The following LIPF variants were observed in gnomAD, a reference collection of about 807,000 sequenced individuals.
LIPF encodes the protein lipase F, gastric type, also known as gastric triacylglycerol lipase.
A neutral mutation model predicts 38.0 loss-of-function variants in LIPF; 25 were observed. The observed-to-expected ratio is 0.66, with a 90% CI of 0.48 to 0.92. LIPF has a LOEUF of 0.92. Among genes scored for constraint, LIPF ranks in the 40% least tolerant of loss-of-function variants. LIPF has a pLI of 0.00. For missense variants in LIPF, 410 were observed against 469.9 expected (o/e 0.87, Z 1.18); for synonymous variants, 161 against 156.2 (o/e 1.03, Z -0.23).
At chr10:88,676,103 T>C (rs547438198) in intron 8 of LIPF, 106 bp from the exon 9 acceptor site, 1 of 635,770 alleles carries the variant, frequency 1.6e-6, no homozygotes, top group South Asian at 2.6e-5. Flanking sequence ...GAAAAATGTT[T>C]CTTAATAATT....
Position 88,678,432 on chromosome 10 carries a change from T to C in LIPF, c.961-13T>C. On this transcript the variant is annotated splice_polypyrimidine_tract_variant and intron_variant, in intron 9 of 9. Transcript: ENST00000238983. ...GTTACCTAAACTCTGGTTCTTTCTC[T>C]TGTGTTTTCTAGTCCCAACCTCCCT... The C allele has an allele frequency of 6.3e-7, 1 of 1,591,324 alleles. No individual in the cohort carries two copies. The highest frequency in any genetic ancestry group is 2.2e-5 in the East Asian group (1 of 44,756).
chr10:88,673,740 T>A lies in LIPF; in HGVS notation c.816+6T>A. On this transcript the variant is annotated splice_donor_region_variant and intron_variant, in intron 7 of 9. Transcript: ENST00000238983. ...ACAGTAAGAACTTTAACACGGTTAG[T>A]ATGCATTTCAATTTCTATATTTTGA... The A allele has an allele frequency of 6.2e-7, 1 of 1,603,042 alleles. No homozygotes were observed. The highest frequency in any genetic ancestry group is 8.5e-7 in the Non-Finnish European group (1 of 1,174,566).
chr10:88,674,260 T>C (rs1189059889), intron 7 of LIPF, among the ~76,000 whole-genome samples: 2 of 152,094 alleles, frequency 1.3e-5, no homozygotes, highest in Non-Finnish European at 2.9e-5. Context: ...GCTCCGCCTC[T>C]TGGGTTCACG....
chr10:88,676,410 C>T lies in LIPF; in HGVS notation c.960+130C>T, dbSNP rs903620832. On this transcript the variant is annotated intron_variant, in intron 9 of 9. Coordinates refer to ENST00000238983, the MANE Select transcript of LIPF (RefSeq NM_004190.4). ...ATGTTGATGTTCTGTCTCTCATTCT[C>T]CCACATGACTATGCATTCCTGCTCT... The T allele has an allele frequency of 4.4e-5, 28 of 634,944 alleles. No homozygotes were observed. In the African/African-American group the frequency reaches 4.7e-4, roughly 11 times the overall value. The allele number at this position is 634,944 out of a possible 1,614,324, so 39.3% of individuals were successfully genotyped here.
At chr10:88,668,856 A>G in intron 4 of LIPF, 100 bp downstream of exon 4, 1 of 926,032 alleles carries the variant, frequency 1.1e-6, no homozygotes, top group Non-Finnish European at 1.7e-6. Flanking sequence ...CACTCCAAGT[A>G]GGAGGATAAA....
rs777029649 is a variant in LIPF at position 88,671,932 on chromosome 10, C to G, written c.636C>G (p.Asn212Lys). 22 of 1,612,318 alleles carry G rather than the reference C, an allele frequency of 1.4e-5. No individual in the cohort carries two copies. The highest frequency in any genetic ancestry group is 1.0e-4 in the Admixed American group (6 of 59,796). The change falls in exon 6 of 10, where the codon AAC becomes AAG. Residue 212 changes from asparagine to lysine, a missense_variant. Physicochemically the swap from Asn to Lys is moderately conservative, Grantham distance 94 (BLOSUM62 0). Coordinates refer to ENST00000238983, the MANE Select transcript of LIPF (RefSeq NM_004190.4). ...TGAAGTATACAAAAAGCCTTATAAACAAACTTAGATTTGTTCCTCAATCCC... is the reference window on the plus strand; with the variant it reads ...TGAAGTATACAAAAAGCCTTATAAAGAAACTTAGATTTGTTCCTCAATCCC... ...ATVKYTKSLI[N>K]KLRFVPQSLF...
At chr10:88,678,311 G>A in intron 9 of LIPF, 134 bp from the exon 10 acceptor site, 1 of 725,016 alleles carries the variant, frequency 1.4e-6, no homozygotes, top group Non-Finnish European at 2.5e-6. Flanking sequence ...GATAAAGGTG[G>A]TTTTCTCTGT....
chr10:88,667,233 G>C (rs2134633719), intron 1 of LIPF, 54 bp from the exon 2 acceptor site: 4 of 960,524 alleles, frequency 4.2e-6, no homozygotes, highest in Non-Finnish European at 6.6e-6. Context: ...TAAAATATAA[G>C]CATTATGAAA....
At position 88,667,548 on chromosome 10, in the gene LIPF, CT is replaced by C; in HGVS notation, c.106-17del. 7.4e-7 allele frequency: 1 copy of C among 1,360,408 alleles called. No individual in the cohort carries two copies. Among genetic ancestry groups the C allele is most frequent in the Admixed American group, 1.8e-5 (1 of 54,310 alleles). 84.3% of individuals were successfully genotyped at this position (1,360,408 alleles called of 1,614,324 possible). ...ATCTAAAAATCAACTAAAATTTAAA[CT>C]TTTGGGTTTGCTTCCTCAGAGTCAG... is the stretch of plus-strand genomic sequence containing the variant. On this transcript the variant is annotated intron_variant, in intron 2 of 9. Transcript: ENST00000238983.
rs369666845 is a variant in LIPF at position 88,669,955 on chromosome 10, T to C, written c.532+9T>C. ...CCAGGGCACCACCATTGGTAAGTAA[T>C]GGCAGTCAAGGCCAAGTGGTTTACT... On this transcript the variant is annotated intron_variant, in intron 5 of 9. Coordinates refer to ENST00000238983, the MANE Select transcript of LIPF (RefSeq NM_004190.4). The C allele has an allele frequency of 6.3e-6, 10 of 1,579,514 alleles. No homozygotes were observed. Among genetic ancestry groups the C allele is most frequent in the Non-Finnish European group, 8.7e-6 (10 of 1,150,656 alleles).
intron 9 of LIPF, among the ~76,000 whole-genome samples, chr10:88,676,976 A>G (rs1363995199): frequency 6.6e-6 from 1 of 152,206 alleles, no homozygotes; most frequent in Non-Finnish European, 1.5e-5. Flanking sequence ...CTCTCGGGTT[A>G]TCACTGACTA....
At chr10:88,672,670 A>ACACTCTCTCTCTCT (rs869259093) in intron 6 of LIPF, among the ~76,000 whole-genome samples, 1 of 110,498 alleles carries the variant, frequency 9.0e-6, no homozygotes, top group African/African-American at 3.4e-5. Flanking sequence ...ACACACACAC[A>ACACTCTCTCTCTCT]CTCTCTCTCT....
intron 3 of LIPF, 48 bp downstream of exon 3, chr10:88,667,734 C>A (rs1341314608): frequency 8.7e-6 from 7 of 804,802 alleles, no homozygotes; most frequent in Non-Finnish European, 1.4e-5. Flanking sequence ...TTTTTCCTTT[C>A]CTTCTTTCTT....
Position 88,673,716 on chromosome 10 carries a change from C to A in LIPF, c.798C>A (p.Asp266Glu). 6.2e-7 allele frequency: 1 copy of A among 1,612,804 alleles called. No individual in the cohort carries two copies. The highest frequency in any genetic ancestry group is 8.5e-7 in the Non-Finnish European group (1 of 1,179,272). Residue 266 changes from aspartate to glutamate, a missense_variant, in exon 7 of 10, where the codon GAC (aspartate) becomes GAA (glutamate). Asp to Glu is a conservative substitution (Grantham distance 45, BLOSUM62 2). Transcript: ENST00000238983. ...SNALFIICGF[D>E]SKNFNTSRLD... The stretch of plus-strand genomic sequence containing the variant: ...CCTTATTTATAATTTGTGGATTTGA[C>A]AGTAAGAACTTTAACACGGTTAGTA...
At chr10:88,675,023 C>A (rs112410185) in intron 7 of LIPF, among the ~76,000 whole-genome samples, 1 of 152,086 alleles carries the variant, frequency 6.6e-6, no homozygotes, top group African/African-American at 2.4e-5. Flanking sequence ...TCATCTTCTG[C>A]GTAATAATTT....
At chr10:88,676,846 T>C (rs1483607540) in intron 9 of LIPF, among the ~76,000 whole-genome samples, 1 of 152,226 alleles carries the variant, frequency 6.6e-6, no homozygotes, top group Non-Finnish European at 1.5e-5. Context: ...CTTTGGAGCT[T>C]ATCTTATCTG....
intron 1 of LIPF, chr10:88,665,580 T>C (rs1453174758): frequency 6.6e-7 from 1 of 1,526,564 alleles, no homozygotes; most frequent in South Asian, 1.2e-5. Context: ...TGTCCTCACT[T>C]TACAATGGCA....
chr10:88,664,860 G>A (rs1268801033), intron 1 of LIPF, among the ~76,000 whole-genome samples: 1 of 152,120 alleles, frequency 6.6e-6, no homozygotes, highest in Non-Finnish European at 1.5e-5. Context: ...CATATAATTG[G>A]CTGTATTAAT....
In LIPF at chr10:88,678,622, G is replaced by GT; in HGVS notation, c.1138_1139insT (p.Asp380ValfsTer9). ...TCACTTGGACTTTATCTGGGCAATG[G>GT]ATGCCCCTCAAGAAGTTTACAATGA... On this transcript the variant is annotated frameshift_variant, in exon 10 of 10. Coordinates refer to ENST00000238983, the MANE Select transcript of LIPF (RefSeq NM_004190.4). LOFTEE classifies it low-confidence loss of function (END_TRUNC). The GT allele has an allele frequency of 6.2e-7, 1 of 1,613,628 alleles. No homozygotes were observed. The highest frequency in any genetic ancestry group is 8.5e-7 in the Non-Finnish European group (1 of 1,179,552).
Sources: gnomAD v4.1 joint callset for allele counts (sites outside exome capture counted in the v4.1 genomes callset) on GRCh38, gnomAD v4.1.1 for gene constraint, MANE v1.5 for transcripts, NCBI Gene and HGNC (gene_info 2026-07-23, HGNC 2026-07-21) for gene names.